HYDIN: variants seen among roughly 807,000 people sequenced by gnomAD.
HYDIN encodes the protein axonemal central pair apparatus protein HYDIN.
In HYDIN, 132 loss-of-function variants were observed where a neutral mutation model predicts 403.9. The observed-to-expected ratio is 0.33, with a 90% CI of 0.28 to 0.38. HYDIN has a LOEUF of 0.38. HYDIN is among the 10% of genes least tolerant of loss of function. The probability of loss-of-function intolerance (pLI) is 1.00; values close to 1 mark genes in which losing one functional copy is unlikely to be tolerated. For missense variants in HYDIN, 2,827 were observed against 5,009.5 expected (o/e 0.56, Z 13.15); for synonymous variants, 1,202 against 1,891.7 (o/e 0.64, Z 9.46).
chr16:70,807,127 G>A lies in HYDIN; in HGVS notation c.*453C>T, dbSNP rs148233059. On this transcript the variant is annotated 3_prime_UTR_variant, in exon 86 of 86. Coordinates refer to ENST00000393567, the MANE Select transcript of HYDIN (RefSeq NM_001270974.2). ...CTGAAAATATTTATTTGGCTTTTAT[G>A]TGAAAGCAGAATAAAATGCCACATC... is the stretch of plus-strand genomic sequence containing the variant. 6.6e-6 allele frequency among the ~76,000 whole-genome samples: 1 copy of A among 152,326 alleles called. No individual in the cohort carries two copies. Among genetic ancestry groups the A allele is most frequent in the Non-Finnish European group, 1.5e-5 (1 of 68,026 alleles).
chr16:70,976,748 T>C (rs2078899584), intron 30 of HYDIN, among the ~76,000 whole-genome samples: 1 of 152,298 alleles, frequency 6.6e-6, no homozygotes, highest in Non-Finnish European at 1.5e-5. Context: ...TAAATAAAAA[T>C]ATTTCATGGG....
In HYDIN at chr16:70,883,987, G is replaced by A. The variant is rs372857088; in HGVS notation, c.9912C>T (p.Ser3304=). Residue 3304 remains serine (S), a synonymous_variant, in exon 59 of 86, where the codon TCC becomes TCT. Coordinates refer to ENST00000393567, the MANE Select transcript of HYDIN (RefSeq NM_001270974.2). ...KCEEFIAIDI[S]GRDPAVHPAG... ...CAGGGTGGACTGCAGGGTCTCGGCCGGAGATATCGATGGCTATAAACTCCT... is the reference window on the plus strand; with the variant it reads ...CAGGGTGGACTGCAGGGTCTCGGCCAGAGATATCGATGGCTATAAACTCCT... The A allele has an allele frequency of 9.5e-5, 154 of 1,614,146 alleles. No individual in the cohort carries two copies. The highest frequency in any genetic ancestry group is 6.8e-4 in the Admixed American group (41 of 60,024).
chr16:71,055,185 G>A (rs1444291895), intron 18 of HYDIN, among the ~76,000 whole-genome samples: 13 of 152,364 alleles, frequency 8.5e-5, no homozygotes, highest in South Asian at 2.1e-4. Flanking sequence ...GTTCATTAGC[G>A]CAGAGGAAAA....
intron 1 of HYDIN, among the ~76,000 whole-genome samples, chr16:71,229,883 TC>T (rs1476311511): frequency 3.3e-5 from 5 of 152,154 alleles, no homozygotes; most frequent in Non-Finnish European, 7.3e-5. Context: ...ACTCCCATAA[TC>T]CCCACGTGTC....
chr16:71,062,285 C>T lies in HYDIN; in HGVS notation c.2260G>A (p.Gly754Arg), dbSNP rs548973496. The part of the protein sequence containing the change: ...TVLFSSPTPS[G>R]VISPSSTIHI... ...ATGGTGCTGCTTGGGGAGATGACCC[C>T]GCTGGGGGTGGGGCTGGAAAACAGC... is the stretch of plus-strand genomic sequence containing the variant. Residue 754 changes from glycine to arginine, a missense_variant, in exon 17 of 86, where the codon GGG becomes AGG. Transcript: ENST00000393567. 3.8e-6 allele frequency: 6 copies of T among 1,570,798 alleles called. No homozygotes were observed. The highest frequency in any genetic ancestry group is 4.3e-6 in the Non-Finnish European group (5 of 1,155,920).
intron 1 of HYDIN, among the ~76,000 whole-genome samples, chr16:71,221,606 G>A (rs1307715562): frequency 4.0e-5 from 6 of 151,504 alleles, no homozygotes; most frequent in Admixed American, 6.6e-5. Context: ...CATCCTGTAG[G>A]AAAAGAAATT....
intron 18 of HYDIN, among the ~76,000 whole-genome samples, chr16:71,042,262 C>A (rs1568043459): frequency 6.6e-6 from 1 of 152,226 alleles, no homozygotes; most frequent in Non-Finnish European, 1.5e-5. Flanking sequence ...AATCCACTCT[C>A]CCATTTTTCC....
chr16:70,994,714 T>C (rs2079472864), intron 23 of HYDIN, among the ~76,000 whole-genome samples: 1 of 148,650 alleles, frequency 6.7e-6, no homozygotes. Context: ...CTGCCGTGGG[T>C]AGGAATGGCA....
At chr16:71,230,388 G>A (rs1055861990) in intron 1 of HYDIN, among the ~76,000 whole-genome samples, 174 bp downstream of exon 1, 4 of 152,154 alleles carry the variant, frequency 2.6e-5, no homozygotes, top group African/African-American at 4.8e-5. Context: ...CCGAGGTCCC[G>A]TAACTTTCAT....
chr16:71,154,927 A>C (rs1485715218), intron 6 of HYDIN, among the ~76,000 whole-genome samples: 2 of 136,750 alleles, frequency 1.5e-5, no homozygotes, highest in Non-Finnish European at 3.1e-5. Context: ...GGGTTGATAT[A>C]GGTCAAGTGC....
intron 8 of HYDIN, chr16:71,131,967 A>G (rs1468074741): frequency 6.6e-6 from 1 of 152,116 alleles, no homozygotes; most frequent in Non-Finnish European, 1.5e-5. Context: ...TGAAAAACAA[A>G]GTGGTAAAAT....
Position 70,829,525 on chromosome 16 carries a change from C to T in HYDIN, c.14112+93G>A, listed in dbSNP as rs547021732. 111 of 915,010 alleles carry T rather than the reference C, an allele frequency of 1.2e-4. No individual in the cohort carries two copies. In the South Asian group the frequency reaches 1.5e-3, roughly 12 times the overall value. 56.7% of individuals were successfully genotyped at this position (915,010 alleles called of 1,614,324 possible). A position where few individuals can be genotyped will look rare whatever the true frequency, so the allele number is the denominator to read the frequency against. On this transcript the variant is annotated intron_variant, in intron 81 of 85. Coordinates refer to ENST00000393567, the MANE Select transcript of HYDIN (RefSeq NM_001270974.2). Reference sequence around the variant, plus strand: ...CTGGGATTACAGGCATGAGCCACCACGCCCAGCCCCAAAGTGTCTTTTAAC... The same window carrying T: ...CTGGGATTACAGGCATGAGCCACCATGCCCAGCCCCAAAGTGTCTTTTAAC...
Position 70,940,860 on chromosome 16 carries a change from G to A in HYDIN, c.6853+776C>T, listed in dbSNP as rs534198066. Among the ~76,000 whole-genome samples, 103 of 152,380 alleles carry A rather than the reference G, an allele frequency of 6.8e-4. 1 individual carries two copies. Among genetic ancestry groups the A allele is most frequent in the African/African-American group, 2.1e-3 (86 of 41,600 alleles). ...TAAGCCGGAGTGAGGAAGGGCAGTC[G>A]TGTGGCTGGAGCCGAAGCTCCTGGG... On this transcript the variant is annotated intron_variant, in intron 43 of 85. Transcript: ENST00000393567.
At chr16:70,949,223 C>G (rs1207611269) in intron 41 of HYDIN, among the ~76,000 whole-genome samples, 15 of 148,690 alleles carry the variant, frequency 1.0e-4, no homozygotes, top group Admixed American at 2.7e-4. Context: ...AAAACAAACA[C>G]CGCATATTCT....
intron 38 of HYDIN, among the ~76,000 whole-genome samples, chr16:70,961,633 TCC>T (rs574877204): frequency 6.6e-6 from 1 of 152,048 alleles, no homozygotes; most frequent in Non-Finnish European, 1.5e-5. Context: ...GGGGAGAATG[TCC>T]CCCATCCCCA....
Position 71,230,693 on chromosome 16 carries a change from GC to G in HYDIN, c.-156del. ...AAGCCGCCCGCACTCTCCATGCGCCGCCCGAGCTGTTGCCGTCCGTTGCCAC... is the reference window on the plus strand; with the variant it reads ...AAGCCGCCCGCACTCTCCATGCGCCGCCGAGCTGTTGCCGTCCGTTGCCAC... On this transcript the variant is annotated 5_prime_UTR_variant, in exon 1 of 86. Coordinates refer to ENST00000393567, the MANE Select transcript of HYDIN (RefSeq NM_001270974.2). The G allele has an allele frequency of 6.5e-7, 1 of 1,536,030 alleles. No homozygotes were observed. Among genetic ancestry groups the G allele is most frequent in the Non-Finnish European group, 8.7e-7 (1 of 1,146,878 alleles).
chr16:71,015,237 A>C (rs1427039303), intron 23 of HYDIN, among the ~76,000 whole-genome samples: 2 of 152,048 alleles, frequency 1.3e-5, no homozygotes, highest in Non-Finnish European at 2.9e-5. Flanking sequence ...CAAACAAGTT[A>C]TAAGCAGAGG....
At chr16:70,872,413 TCATCCACCCAC>T (rs2040176970) in intron 64 of HYDIN, among the ~76,000 whole-genome samples, 1 of 123,836 alleles carries the variant, frequency 8.1e-6, no homozygotes, top group Non-Finnish European at 1.6e-5. Context: ...CATCCATCCA[TCATCCACCCAC>T]CCATCATCTA....
intron 50 of HYDIN, among the ~76,000 whole-genome samples, chr16:70,905,848 C>T (rs186185678): frequency 6.6e-6 from 1 of 151,870 alleles, no homozygotes; most frequent in African/African-American, 2.4e-5. Flanking sequence ...TTCTGTACCT[C>T]ATGTCCATCA....
Sources: allele counts gnomAD v4.1 joint callset (sites outside exome capture counted in the v4.1 genomes callset), GRCh38; gene constraint gnomAD v4.1.1; transcripts MANE v1.5; gene names NCBI Gene and HGNC (gene_info 2026-07-23, HGNC 2026-07-21).